The following EFCAB6 variants were observed in gnomAD, a reference collection of about 807,000 sequenced individuals.
The protein encoded by EFCAB6 is EF-hand calcium binding domain 6, also known as EF-hand calcium-binding domain-containing protein 6.
A neutral mutation model predicts 169.8 loss-of-function variants in EFCAB6; 156 were observed. That is an observed-to-expected ratio of 0.92 (90% CI 0.81 to 1.05). The LOEUF (loss-of-function observed/expected upper bound fraction) is 1.05. EFCAB6 is among the 50% of genes least tolerant of loss of function. The pLI, the probability that EFCAB6 is intolerant of heterozygous loss-of-function variation, is 0.00. For synonymous variants in EFCAB6, 698 were observed against 676.4 expected (o/e 1.03, Z -0.50); for missense variants, 1,800 against 1,829.1 (o/e 0.98, Z 0.29).
At chr22:43,600,016 CAGAT>C in intron 23 of EFCAB6, 49 bp downstream of exon 23, 1 of 1,551,888 alleles carries the variant, frequency 6.4e-7, no homozygotes, top group South Asian at 1.2e-5. Context: ...GCTGTGAGGC[CAGAT>C]GTAAAAGGGG....
intron 22 of EFCAB6, among the ~76,000 whole-genome samples, chr22:43,604,106 C>A (rs570252924): frequency 1.3e-3 from 195 of 152,230 alleles, no homozygotes; most frequent in Middle Eastern, 3.4e-3. Flanking sequence ...GAGGCCTTCC[C>A]AGAAGCTGAG....
rs931788798 is a variant in EFCAB6, at chr22:43,782,198, T to A, written c.121A>T (p.Lys41Ter). ...TACTTACTTGAAGAAGATCTGAACT[T>A]ATTTGGGGAACCATTCCTTGAATAT... Reference protein sequence around the residue: ...RVYSRNGSPNKFRSSSTTAVA... With the variant: ...RVYSRNGSPN The change falls in exon 3 of 32, where the codon AAG becomes TAG. Residue 41 changes from lysine to a stop codon, truncating the protein, a stop_gained. Coordinates refer to ENST00000262726, the MANE Select transcript of EFCAB6 (RefSeq NM_022785.4). LOFTEE classifies it high-confidence loss of function. 1.2e-6 allele frequency: 2 copies of A among 1,612,346 alleles called. No individual in the cohort carries two copies. Among genetic ancestry groups the A allele is most frequent in the Non-Finnish European group, 1.7e-6 (2 of 1,179,520 alleles).
At chr22:43,680,951 A>C (rs533209188) in intron 12 of EFCAB6, among the ~76,000 whole-genome samples, 48 of 152,148 alleles carry the variant, frequency 3.2e-4, no homozygotes, top group Non-Finnish European at 5.3e-4. Context: ...GATGCCTTTT[A>C]TTTCTTTTTC....
intron 7 of EFCAB6, 70 bp from the exon 8 acceptor site, chr22:43,731,881 A>G: frequency 1.1e-6 from 1 of 881,546 alleles, no homozygotes; most frequent in East Asian, 2.9e-5. Flanking sequence ...TTACTAAGGT[A>G]TCCTTTACAC....
At chr22:43,808,495 C>T (rs375436505) in intron 2 of EFCAB6, among the ~76,000 whole-genome samples, 9 of 152,260 alleles carry the variant, frequency 5.9e-5, no homozygotes, top group African/African-American at 2.2e-4. Flanking sequence ...AGGCAGGTGA[C>T]CCCAAAATGG....
rs147578934 is a variant in EFCAB6 at position 43,688,041 on chromosome 22, T to C, written c.1032-460A>G. On this transcript the variant is annotated intron_variant, in intron 10 of 31. Coordinates refer to ENST00000262726, the MANE Select transcript of EFCAB6 (RefSeq NM_022785.4). ...TGGAGATGGAGCAACTCTCCTGGTT[T>C]ATCCAAGTGGGCCCACTCTAATCCC... Among the ~76,000 whole-genome samples the C allele has an allele frequency of 4.2e-4, 64 of 152,268 alleles. No homozygotes were observed. The Middle Eastern group carries it at 0.02, about 49-fold the overall frequency.
intron 26 of EFCAB6, among the ~76,000 whole-genome samples, chr22:43,574,294 A>G (rs557134082): frequency 6.6e-6 from 1 of 152,228 alleles, no homozygotes; most frequent in East Asian, 1.9e-4. Flanking sequence ...CATCTCCACC[A>G]TGTAAAAAAA....
rs1569485838 is a variant in EFCAB6, at chr22:43,782,265, T to G, written c.54A>C (p.Arg18=). The G allele has an allele frequency of 6.2e-7, 1 of 1,614,112 alleles. No homozygotes were observed. The highest frequency in any genetic ancestry group is 8.5e-7 in the Non-Finnish European group (1 of 1,179,990). Residue 18 remains arginine, a synonymous_variant, in exon 3 of 32, where the codon CGA becomes CGC. Coordinates refer to ENST00000262726, the MANE Select transcript of EFCAB6 (RefSeq NM_022785.4). ...AATGGGGTCTTGAATGTGTAAATTT[T>G]CGTGTGTGAGGATGCGACCTAAGCC... ...PDWLRSHPHT[R]KFTHSRPHSS... is the part of the protein sequence containing the mutation.
chr22:43,667,590 G>T (rs1432288829), intron 16 of EFCAB6, among the ~76,000 whole-genome samples: 1 of 152,180 alleles, frequency 6.6e-6, no homozygotes, highest in African/African-American at 2.4e-5. Context: ...CTGGCCGAAG[G>T]TGGCATGTGA....
At chr22:43,790,312 A>C (rs2062237452) in intron 2 of EFCAB6, among the ~76,000 whole-genome samples, 1 of 152,202 alleles carries the variant, frequency 6.6e-6, no homozygotes, top group African/African-American at 2.4e-5. Context: ...AAACTTCCAG[A>C]ATTATACCGA....
At chr22:43,610,975 G>A (rs931944565) in intron 21 of EFCAB6, among the ~76,000 whole-genome samples, 1 of 152,172 alleles carries the variant, frequency 6.6e-6, no homozygotes, top group Non-Finnish European at 1.5e-5. Context: ...ACAATTTACT[G>A]GGACAGACAC....
chr22:43,576,416 A>C lies in EFCAB6; in HGVS notation c.3301T>G (p.Phe1101Val). 6.2e-7 allele frequency: 1 copy of C among 1,606,866 alleles called. No homozygotes were observed. The highest frequency in any genetic ancestry group is 8.5e-7 in the Non-Finnish European group (1 of 1,178,058). The change falls in exon 26 of 32, where the codon TTC becomes GTC. Residue 1101 changes from phenylalanine to valine, a missense_variant. Transcript: ENST00000262726. ...ATEFGQVLKDFCYKLTDNQYH... is the reference protein window; with the variant it reads ...ATEFGQVLKDVCYKLTDNQYH... Reference sequence around the variant, plus strand: ...TGATTGTCCGTTAGTTTGTAACAGAAATCCTTAAGAACTTGTCCGAATTCT... The same window carrying C: ...TGATTGTCCGTTAGTTTGTAACAGACATCCTTAAGAACTTGTCCGAATTCT...
At chr22:43,751,427 C>A (rs2060757480) in intron 6 of EFCAB6, among the ~76,000 whole-genome samples, 1 of 152,214 alleles carries the variant, frequency 6.6e-6, no homozygotes, top group Non-Finnish European at 1.5e-5. Context: ...ACTTCGTTAG[C>A]CTGGCAACAC....
intron 2 of EFCAB6, among the ~76,000 whole-genome samples, chr22:43,800,486 T>C (rs554016718): frequency 6.6e-6 from 1 of 152,300 alleles, no homozygotes; most frequent in East Asian, 1.9e-4. Context: ...AAGCAAGGAA[T>C]CAGTAACTGA....
chr22:43,794,765 C>G (rs2062437646), intron 2 of EFCAB6, among the ~76,000 whole-genome samples: 2 of 152,302 alleles, frequency 1.3e-5, no homozygotes, highest in East Asian at 1.9e-4. Context: ...CCTCCTCCCC[C>G]ATTCCAGTCT....
At chr22:43,675,557 A>C (rs996294080) in intron 13 of EFCAB6, among the ~76,000 whole-genome samples, 1 of 144,692 alleles carries the variant, frequency 6.9e-6, no homozygotes, top group African/African-American at 2.5e-5. Context: ...AAATGTCTAT[A>C]TATATCCAGA....
At chr22:43,641,559 T>C (rs1602862132) in intron 17 of EFCAB6, among the ~76,000 whole-genome samples, 1 of 148,110 alleles carries the variant, frequency 6.8e-6, no homozygotes, top group Admixed American at 6.9e-5. Context: ...GAGGTTGCAG[T>C]GAGCTGACAT....
chr22:43,561,740 T>C (rs2049051523), intron 26 of EFCAB6, among the ~76,000 whole-genome samples: 1 of 152,220 alleles, frequency 6.6e-6, no homozygotes, highest in Non-Finnish European at 1.5e-5. Context: ...GGCGCTTCTG[T>C]GTCCCTGGCA....
chr22:43,742,102 C>T (rs2060395150), intron 6 of EFCAB6, among the ~76,000 whole-genome samples: 1 of 152,154 alleles, frequency 6.6e-6, no homozygotes, highest in Non-Finnish European at 1.5e-5. Flanking sequence ...TGAGTCATTA[C>T]CCATGGAGAC....
Sources: gnomAD v4.1 joint callset for allele counts (sites outside exome capture counted in the v4.1 genomes callset) on GRCh38, gnomAD v4.1.1 for gene constraint, MANE v1.5 for transcripts, NCBI Gene and HGNC (gene_info 2026-07-23, HGNC 2026-07-21) for gene names.